The following ECHDC1 variants were observed in gnomAD, a reference collection of about 807,000 sequenced individuals.
The protein encoded by ECHDC1 is ethylmalonyl-CoA decarboxylase.
In ECHDC1, 29 loss-of-function variants were observed where a neutral mutation model predicts 29.7. The observed-to-expected ratio is 0.98, with a 90% CI of 0.73 to 1.33. ECHDC1 has a LOEUF of 1.33. ECHDC1 is among the 40% of genes most tolerant of loss of function. The probability of loss-of-function intolerance (pLI) is 0.00; values close to 1 mark genes in which losing one functional copy is unlikely to be tolerated. For synonymous variants in ECHDC1, 126 were observed against 123.1 expected, an observed-to-expected ratio of 1.02 and a Z score of -0.15; for missense variants, 328 against 350.0, an observed-to-expected ratio of 0.94 and a Z score of 0.50.
At chr6:127,316,204 C>A in intron 4 of ECHDC1, 1 of 462,604 alleles carries the variant, frequency 2.2e-6, no homozygotes, top group Non-Finnish European at 4.0e-6. Flanking sequence ...GTTATATAAG[C>A]TCTTTAGGGG....
At chr6:127,293,507 AGAG>A (rs1442922422) in intron 5 of ECHDC1, among the ~76,000 whole-genome samples, 3 of 152,172 alleles carry the variant, frequency 2.0e-5, no homozygotes, top group African/African-American at 7.2e-5. Context: ...CATGGTACAA[AGAG>A]GAGAGGAAGA....
chr6:127,327,686 T>C (rs1299139556), intron 2 of ECHDC1, among the ~76,000 whole-genome samples: 1 of 152,198 alleles, frequency 6.6e-6, no homozygotes, highest in Non-Finnish European at 1.5e-5. Context: ...TCTTGTTCCA[T>C]GGTTAACAAA....
In ECHDC1 at chr6:127,327,050, GA is replaced by G; in HGVS notation, c.314del (p.Phe105SerfsTer7). On this transcript the variant is annotated frameshift_variant, in exon 3 of 6. Transcript: ENST00000454859. LOFTEE classifies it high-confidence loss of function. ...CAGCATTCAGATCAGATCCTGAAGA[GA>G]AAGTATTTTTTGCCCCACGGACAAT... ...GLIVRGAKNT[F>X]SSGSDLNAVK... The G allele has an allele frequency of 6.2e-7, 1 of 1,614,074 alleles. No homozygotes were observed. The highest frequency in any genetic ancestry group is 1.7e-5 in the Admixed American group (1 of 60,020).
intron 1 of ECHDC1, among the ~76,000 whole-genome samples, chr6:127,334,621 C>G (rs1313735602): frequency 6.6e-6 from 1 of 152,114 alleles, no homozygotes. Flanking sequence ...CTCTTCTCGT[C>G]TGATATCTCT....
At chr6:127,311,629 G>A (rs1431718238) in intron 5 of ECHDC1, among the ~76,000 whole-genome samples, 5 of 133,744 alleles carry the variant, frequency 3.7e-5, no homozygotes, top group South Asian at 2.5e-4. Context: ...AGCTGAGATC[G>A]TGCCATTGCA....
intron 5 of ECHDC1, among the ~76,000 whole-genome samples, chr6:127,302,826 A>G (rs1252100382): frequency 6.6e-6 from 1 of 152,236 alleles, no homozygotes; most frequent in African/African-American, 2.4e-5. Flanking sequence ...TCACACATAC[A>G]GCATTTCCTG....
At chr6:127,335,043 C>G (rs577030470) in intron 1 of ECHDC1, among the ~76,000 whole-genome samples, 139 of 152,116 alleles carry the variant, frequency 9.1e-4, no homozygotes, top group African/African-American at 3.2e-3. Context: ...TAACTCATCA[C>G]GCAGCCAAAA....
intron 1 of ECHDC1, among the ~76,000 whole-genome samples, chr6:127,337,656 T>C (rs1784549243): frequency 1.3e-5 from 2 of 152,210 alleles, no homozygotes; most frequent in Non-Finnish European, 2.9e-5. Context: ...CCATGGTCAC[T>C]CATATTTGGC....
At chr6:127,301,764 G>A (rs1781070671) in intron 5 of ECHDC1, among the ~76,000 whole-genome samples, 1 of 152,080 alleles carries the variant, frequency 6.6e-6, no homozygotes, top group Non-Finnish European at 1.5e-5. Flanking sequence ...AAATTTCTCT[G>A]GTCAAGGATC....
At chr6:127,334,452 T>A (rs1784255214) in intron 1 of ECHDC1, among the ~76,000 whole-genome samples, 1 of 152,154 alleles carries the variant, frequency 6.6e-6, no homozygotes, top group Non-Finnish European at 1.5e-5. Flanking sequence ...TAATCTGAAT[T>A]AATACAACAG....
chr6:127,303,797 G>A (rs529702870), intron 5 of ECHDC1, among the ~76,000 whole-genome samples: 1 of 152,288 alleles, frequency 6.6e-6, no homozygotes, highest in African/African-American at 2.4e-5. Flanking sequence ...GTGGCCATGG[G>A]GCGACACTCC....
chr6:127,303,204 T>C (rs1218445609), intron 5 of ECHDC1, among the ~76,000 whole-genome samples: 2 of 152,006 alleles, frequency 1.3e-5, no homozygotes, highest in Admixed American at 1.3e-4. Context: ...CTATTTCTAC[T>C]ACTATATGAT....
chr6:127,319,466 TTTTGGTTTTAAGTGTATCATAAAA>T (rs1399073852), intron 3 of ECHDC1, among the ~76,000 whole-genome samples: 1 of 152,198 alleles, frequency 6.6e-6, no homozygotes, highest in Non-Finnish European at 1.5e-5. Context: ...AATGAGTATG[TTTTGGTTTTAAGTGTATCATAAAA>T]CAGAAGTTTA....
intron 5 of ECHDC1, among the ~76,000 whole-genome samples, chr6:127,307,759 G>A (rs201654120): frequency 6.9e-4 from 95 of 137,482 alleles, no homozygotes; most frequent in Non-Finnish European, 8.4e-4. Flanking sequence ...GACTAACAAA[G>A]AAAAAAAAAA....
Position 127,332,554 on chromosome 6 carries a change from T to A in ECHDC1, c.-2-1524A>T, listed in dbSNP as rs567416164. The stretch of plus-strand genomic sequence containing the variant: ...TGACTGAGGTAAGGCAGGACAACTC[T>A]AAACTTCTGTGGGGGAGGGTGGTGG... On this transcript the variant is annotated intron_variant, in intron 1 of 5. Transcript: ENST00000454859. Among the ~76,000 whole-genome samples the A allele has an allele frequency of 3.9e-5, 6 of 151,994 alleles. No homozygotes were observed. In the South Asian group the frequency reaches 1.3e-3, roughly 32 times the overall value.
intron 1 of ECHDC1, chr6:127,341,711 G>T (rs1247509247): frequency 1.3e-5 from 2 of 152,080 alleles, no homozygotes; most frequent in Non-Finnish European, 2.9e-5. Flanking sequence ...CTGCAAAGGT[G>T]ATCTGTTTCC....
At position 127,337,757 on chromosome 6, in the gene ECHDC1, A is replaced by AATCTCC. The variant is rs546359719; in HGVS notation, c.-3+5573_-3+5578dup. ...CATGACAGGATGTATTTATGTTTGT[A>AATCTCC]ATCTCCATTCATAATCATAACCCTC... On this transcript the variant is annotated intron_variant, in intron 1 of 5. Coordinates refer to ENST00000454859, the MANE Select transcript of ECHDC1 (RefSeq NM_001002030.2). Among the ~76,000 whole-genome samples the AATCTCC allele has an allele frequency of 2.8e-4, 42 of 152,290 alleles. No homozygotes were observed. The East Asian group carries it at 7.3e-3, about 27-fold the overall frequency.
At chr6:127,304,250 T>C (rs1781275522) in intron 5 of ECHDC1, among the ~76,000 whole-genome samples, 1 of 152,200 alleles carries the variant, frequency 6.6e-6, no homozygotes, top group African/African-American at 2.4e-5. Flanking sequence ...AACAAGAGTC[T>C]CTGCCTGGTA....
intron 3 of ECHDC1, 72 bp from the exon 4 acceptor site, chr6:127,316,574 T>G: frequency 7.4e-7 from 1 of 1,342,686 alleles, no homozygotes; most frequent in Non-Finnish European, 1.0e-6. Context: ...TAAATTAAGG[T>G]TTTAGAAAGT....
Sources: allele counts gnomAD v4.1 joint callset (sites outside exome capture counted in the v4.1 genomes callset), GRCh38; gene constraint gnomAD v4.1.1; transcripts MANE v1.5; gene names NCBI Gene and HGNC (gene_info 2026-07-23, HGNC 2026-07-21).